Variants in SIPA1L3 observed in about 807,000 individuals in gnomAD.
SIPA1L3 encodes signal-induced proliferation-associated 1-like protein 3.
Under a neutral mutation model 150.1 loss-of-function variants are expected in SIPA1L3, and 59 were observed. That is an observed-to-expected ratio of 0.39 (90% CI 0.32 to 0.49). SIPA1L3 has a LOEUF of 0.49. Ranked by LOEUF, SIPA1L3 falls within the 20% of genes least tolerant of loss-of-function variation. SIPA1L3 has a pLI of 0.86. For missense variants in SIPA1L3, 2,211 were observed against 2,489.5 expected, an observed-to-expected ratio of 0.89 and a Z score of 2.38; for synonymous variants, 1,070 against 1,077.6, an observed-to-expected ratio of 0.99 and a Z score of 0.14.
chr19:38,022,887 G>A (rs1968408824), intron 1 of SIPA1L3, among the ~76,000 whole-genome samples: 1 of 152,208 alleles, frequency 6.6e-6, no homozygotes, highest in South Asian at 2.1e-4. Flanking sequence ...AGTGAAGTTT[G>A]TCACTGAGGT....
At chr19:38,076,735 T>C (rs1356855165) in intron 2 of SIPA1L3, among the ~76,000 whole-genome samples, 1 of 152,170 alleles carries the variant, frequency 6.6e-6, no homozygotes, top group Non-Finnish European at 1.5e-5. Flanking sequence ...GTGCCATCGA[T>C]GGAGATCTGC....
At chr19:38,097,106 C>T (rs2145851522) in intron 4 of SIPA1L3, among the ~76,000 whole-genome samples, 1 of 152,304 alleles carries the variant, frequency 6.6e-6, no homozygotes, top group South Asian at 2.1e-4. Context: ...CCTGGCACTT[C>T]AGGAGGCCGA....
chr19:37,984,358 A>G (rs1170713078), intron 1 of SIPA1L3, among the ~76,000 whole-genome samples: 1 of 152,216 alleles, frequency 6.6e-6, no homozygotes, highest in East Asian at 1.9e-4. Flanking sequence ...AAATAAAGCT[A>G]GAAGGAGTGG....
chr19:38,061,912 A>T (rs1255390928), intron 2 of SIPA1L3, among the ~76,000 whole-genome samples: 2 of 150,554 alleles, frequency 1.3e-5, no homozygotes, highest in African/African-American at 4.9e-5. Flanking sequence ...AGAAAATACT[A>T]GTGGAAGATT....
intron 2 of SIPA1L3, among the ~76,000 whole-genome samples, chr19:38,078,169 C>G (rs1033138599): frequency 6.6e-6 from 1 of 152,228 alleles, no homozygotes; most frequent in Non-Finnish European, 1.5e-5. Context: ...GGCTTTCCAG[C>G]TTCCTCTCTC....
chr19:37,935,427 C>T (rs976587701), intron 1 of SIPA1L3, among the ~76,000 whole-genome samples: 1 of 152,178 alleles, frequency 6.6e-6, no homozygotes, highest in East Asian at 1.9e-4. Flanking sequence ...ACTTGTACAG[C>T]GTTGTACCCA....
chr19:38,089,784 T>C (rs1326519167), intron 4 of SIPA1L3, among the ~76,000 whole-genome samples: 1 of 152,258 alleles, frequency 6.6e-6, no homozygotes, highest in Non-Finnish European at 1.5e-5. Context: ...AATCTATTTC[T>C]AACTTGCTTA....
chr19:38,175,102 G>A (rs1179523597), intron 15 of SIPA1L3, among the ~76,000 whole-genome samples: 2 of 151,978 alleles, frequency 1.3e-5, no homozygotes, highest in Admixed American at 6.6e-5. Context: ...ATCATTTCGG[G>A]CAAGTTATTT....
At chr19:38,064,034 C>T (rs1198719424) in intron 2 of SIPA1L3, among the ~76,000 whole-genome samples, 1 of 152,226 alleles carries the variant, frequency 6.6e-6, no homozygotes, top group African/African-American at 2.4e-5. Flanking sequence ...CCCATCATCC[C>T]CACTCTACAA....
At chr19:38,149,962 C>T (rs1012768668) in intron 12 of SIPA1L3, among the ~76,000 whole-genome samples, 1 of 152,212 alleles carries the variant, frequency 6.6e-6, no homozygotes, top group East Asian at 1.9e-4. Flanking sequence ...GAGGATTTCA[C>T]AGCGACTTTT....
intron 2 of SIPA1L3, among the ~76,000 whole-genome samples, chr19:38,036,080 C>G (rs1464734205): frequency 6.6e-6 from 1 of 152,180 alleles, no homozygotes; most frequent in Non-Finnish European, 1.5e-5. Context: ...CCTCCTGGTC[C>G]CCTTTCTTGT....
Position 38,164,360 on chromosome 19 carries a change from A to C in SIPA1L3, c.3781-119A>C. 1 of 937,648 alleles carries C rather than the reference A, an allele frequency of 1.1e-6. No individual in the cohort carries two copies. Among genetic ancestry groups the C allele is most frequent in the Non-Finnish European group, 1.6e-6 (1 of 612,038 alleles). The allele number at this position is 937,648 out of a possible 1,614,324, so 58.1% of individuals were successfully genotyped here. On this transcript the variant is annotated intron_variant, in intron 14 of 21. Transcript: ENST00000222345. The surrounding 1 kb of genome is among the most constrained non-coding windows in gnomAD (Gnocchi z 4.1). ...AAGGTAACACGGCCAGTAGATGAGA[A>C]GCCAGGATTTGAAGCTGTCTGGTCC... is the stretch of plus-strand genomic sequence containing the variant.
intron 1 of SIPA1L3, among the ~76,000 whole-genome samples, chr19:37,919,111 C>T (rs966545296): frequency 6.6e-6 from 1 of 152,016 alleles, no homozygotes; most frequent in Non-Finnish European, 1.5e-5. Context: ...CAGTGGTTTC[C>T]TCTGTCAACT....
intron 12 of SIPA1L3, among the ~76,000 whole-genome samples, chr19:38,151,684 C>T (rs1189133929): frequency 1.3e-5 from 2 of 151,994 alleles, no homozygotes; most frequent in African/African-American, 2.4e-5. Context: ...CCACTGGGGC[C>T]GGGCATGGTG....
At chr19:38,024,786 T>C (rs1190464575) in intron 1 of SIPA1L3, among the ~76,000 whole-genome samples, 1 of 152,188 alleles carries the variant, frequency 6.6e-6, no homozygotes, top group Non-Finnish European at 1.5e-5. Context: ...CGCCCAAACA[T>C]GAAGGAGTGC....
At chr19:37,949,703 G>A (rs1178404543) in intron 1 of SIPA1L3, among the ~76,000 whole-genome samples, 1 of 151,814 alleles carries the variant, frequency 6.6e-6, no homozygotes, top group Non-Finnish European at 1.5e-5. Context: ...TAGGAAGCCT[G>A]AAAGACCCAC....
At chr19:38,147,512 T>C (rs769340502) in intron 12 of SIPA1L3, among the ~76,000 whole-genome samples, 4 of 152,188 alleles carry the variant, frequency 2.6e-5, no homozygotes, top group Non-Finnish European at 4.4e-5. Context: ...CTCTTTTACA[T>C]TTAAGTCCAT....
chr19:37,907,581 G>A (rs1345409164), intron 1 of SIPA1L3: 1 of 152,258 alleles, frequency 6.6e-6, no homozygotes, highest in Non-Finnish European at 1.5e-5. Flanking sequence ...GCTTGGAGGC[G>A]GGGAGCGGTG....
chr19:38,205,006 C>T (rs908941144), intron 21 of SIPA1L3, among the ~76,000 whole-genome samples: 1 of 152,154 alleles, frequency 6.6e-6, no homozygotes, highest in African/African-American at 2.4e-5. Context: ...TTTACTAACA[C>T]GCAAAAGAAG....
Sources: gnomAD v4.1 joint callset for allele counts (sites outside exome capture counted in the v4.1 genomes callset) on GRCh38, gnomAD v4.1.1 for gene constraint, Gnocchi (gnomAD v3.1) non-coding constraint, MANE v1.5 for transcripts, NCBI Gene and HGNC (gene_info 2026-07-23, HGNC 2026-07-21) for gene names.